RORB: variants seen among roughly 807,000 people sequenced by gnomAD.
RORB encodes the protein RAR related orphan receptor B, also known as nuclear receptor ROR-beta.
RORB carries 6 observed loss-of-function variants against 59.1 expected under a neutral mutation model. The ratio of observed to expected loss-of-function variants is 0.10; its 90% CI spans 0.06 to 0.20. The LOEUF (loss-of-function observed/expected upper bound fraction) is 0.20. Among genes scored for constraint, RORB ranks in the 10% least tolerant of loss-of-function variants. RORB has a pLI of 1.00. For synonymous variants in RORB, 215 were observed against 204.5 expected (o/e 1.05, Z -0.44); for missense variants, 320 against 560.5 (o/e 0.57, Z 4.33).
chr9:74,529,578 TAATA>T (rs1476348157), intron 1 of RORB, among the ~76,000 whole-genome samples: 2 of 151,678 alleles, frequency 1.3e-5, no homozygotes, highest in Non-Finnish European at 2.9e-5. Context: ...AATATACTAT[TAATA>T]AATAGTAAAT....
chr9:74,656,265 G>A (rs145644237), intron 4 of RORB, among the ~76,000 whole-genome samples: 35 of 152,014 alleles, frequency 2.3e-4, no homozygotes, highest in Non-Finnish European at 4.4e-4. Flanking sequence ...ACATCTGCTG[G>A]TCCCATGTAT....
intron 1 of RORB, among the ~76,000 whole-genome samples, chr9:74,563,751 C>G (rs1007791660): frequency 7.9e-5 from 12 of 152,170 alleles, no homozygotes; most frequent in Non-Finnish European, 1.2e-4. Context: ...GGCTACAACT[C>G]TAGGGGAGGC....
chr9:74,645,654 T>C (rs958923877), intron 4 of RORB, among the ~76,000 whole-genome samples: 14 of 152,150 alleles, frequency 9.2e-5, no homozygotes, highest in African/African-American at 3.4e-4. Context: ...ATAATATAAT[T>C]ACCTTTTATC....
chr9:74,571,220 C>T (rs1246009916), intron 1 of RORB, among the ~76,000 whole-genome samples: 5 of 151,848 alleles, frequency 3.3e-5, no homozygotes, highest in African/African-American at 1.2e-4. Flanking sequence ...CACATTGTCT[C>T]GATTAAATTT....
At chr9:74,502,825 A>G (rs1040787051) in intron 1 of RORB, among the ~76,000 whole-genome samples, 1 of 152,046 alleles carries the variant, frequency 6.6e-6, no homozygotes, top group Admixed American at 6.5e-5. Flanking sequence ...ATTGAAACAC[A>G]TCAAAGGTTC....
At chr9:74,626,030 C>T (rs1823508137) in intron 1 of RORB, among the ~76,000 whole-genome samples, 1 of 152,180 alleles carries the variant, frequency 6.6e-6, no homozygotes, top group Non-Finnish European at 1.5e-5. Context: ...CCTGCTGTTA[C>T]TAGCGGAGGT....
intron 1 of RORB, among the ~76,000 whole-genome samples, chr9:74,500,797 C>A (rs1007383118): frequency 5.9e-5 from 9 of 152,158 alleles, no homozygotes. Flanking sequence ...TCTTTGACGT[C>A]CTTGTCCTGC....
intron 1 of RORB, among the ~76,000 whole-genome samples, chr9:74,510,835 A>G (rs1825927204): frequency 6.6e-6 from 1 of 152,208 alleles, no homozygotes; most frequent in African/African-American, 2.4e-5. Flanking sequence ...GCTCAACTTC[A>G]CTTATTAAAG....
At chr9:74,677,791 A>C (rs1442819912) in intron 9 of RORB, among the ~76,000 whole-genome samples, 1 of 152,232 alleles carries the variant, frequency 6.6e-6, no homozygotes, top group Admixed American at 6.5e-5. Flanking sequence ...CTGTATTAAT[A>C]CAACATCATA....
In RORB at chr9:74,691,380, A is replaced by G. The variant is rs975917407; in HGVS notation, c.*5762A>G. 1 of 152,212 alleles carries G rather than the reference A, an allele frequency of 6.6e-6. No homozygotes were observed. The highest frequency in any genetic ancestry group is 1.5e-5 in the Non-Finnish European group (1 of 68,048). 9.4% of individuals were successfully genotyped at this position (152,212 alleles called of 1,614,324 possible). A position where few individuals can be genotyped will look rare whatever the true frequency, so the allele number is the denominator to read the frequency against. Reference sequence around the variant, plus strand: ...GCATTCGCGTGCCTCTGTCACAACCATACGTAGAAACACATTAGGTATGTC... The same window carrying G: ...GCATTCGCGTGCCTCTGTCACAACCGTACGTAGAAACACATTAGGTATGTC... On this transcript the variant is annotated 3_prime_UTR_variant, in exon 10 of 10. Coordinates refer to ENST00000376896, the MANE Select transcript of RORB (RefSeq NM_006914.4).
At chr9:74,605,293 G>C (rs1429018873) in intron 1 of RORB, among the ~76,000 whole-genome samples, 1 of 152,178 alleles carries the variant, frequency 6.6e-6, no homozygotes, top group Non-Finnish European at 1.5e-5. Context: ...ATTTACGGCA[G>C]GTAGTCAAAT....
chr9:74,649,448 A>G (rs759917894), intron 4 of RORB, among the ~76,000 whole-genome samples: 8 of 152,136 alleles, frequency 5.3e-5, no homozygotes, highest in East Asian at 1.9e-4. Flanking sequence ...CCAATTTGTC[A>G]TATTCCTAGG....
intron 9 of RORB, among the ~76,000 whole-genome samples, chr9:74,682,066 G>T (rs966370750): frequency 6.6e-6 from 1 of 152,072 alleles, no homozygotes; most frequent in East Asian, 1.9e-4. Flanking sequence ...TCTCCTGAAA[G>T]GAAGAGAGAT....
chr9:74,617,433 T>C (rs1222705307), intron 1 of RORB, among the ~76,000 whole-genome samples: 1 of 152,226 alleles, frequency 6.6e-6, no homozygotes, highest in African/African-American at 2.4e-5. Flanking sequence ...ACAGTCGACA[T>C]GTTCATACAA....
rs1420169577 is a variant in RORB at position 74,642,485 on chromosome 9, C to T, written c.307C>T (p.Arg103Trp). ...LYAEVQKHQQ[R>W]LQEQRQQQSG... is the part of the protein sequence containing the mutation. ...TGCTGAGGTGCAGAAGCACCAGCAG[C>T]GGCTGCAGGAACAGCGGCAGCAGCA... is the stretch of plus-strand genomic sequence containing the variant. Residue 103 changes from arginine (R) to tryptophan (W), a missense_variant, in exon 4 of 10, where the codon CGG becomes TGG. Coordinates refer to ENST00000376896, the MANE Select transcript of RORB (RefSeq NM_006914.4). 5.6e-6 allele frequency: 9 copies of T among 1,614,150 alleles called. No individual in the cohort carries two copies. Among genetic ancestry groups the T allele is most frequent in the East Asian group, 2.2e-5 (1 of 44,890 alleles).
chr9:74,515,715 A>C (rs1341596248), intron 1 of RORB, among the ~76,000 whole-genome samples: 1 of 152,082 alleles, frequency 6.6e-6, no homozygotes, highest in South Asian at 2.1e-4. Flanking sequence ...TCAAAATAAC[A>C]GATGCAAATT....
intron 1 of RORB, among the ~76,000 whole-genome samples, chr9:74,531,473 A>C (rs1469578326): frequency 1.3e-5 from 2 of 151,994 alleles, no homozygotes; most frequent in Non-Finnish European, 2.9e-5. Flanking sequence ...AATGAATGGC[A>C]TTCCCATTTC....
chr9:74,615,748 TGTGGGG>T, intron 1 of RORB: 1 of 308,560 alleles, frequency 3.2e-6, no homozygotes, highest in Admixed American at 4.4e-5. Flanking sequence ...GATAGCTAGG[TGTGGGG>T]ACAAAAAAAT....
intron 9 of RORB, among the ~76,000 whole-genome samples, chr9:74,680,468 C>G (rs968655780): frequency 6.6e-6 from 1 of 152,138 alleles, no homozygotes; most frequent in African/African-American, 2.4e-5. Context: ...AGTCTGGTTT[C>G]CTATTCCAGC....
Sources: allele counts gnomAD v4.1 joint callset (sites outside exome capture counted in the v4.1 genomes callset), GRCh38; gene constraint gnomAD v4.1.1; transcripts MANE v1.5; gene names NCBI Gene and HGNC (gene_info 2026-07-23, HGNC 2026-07-21).